DRC8: variants seen among roughly 807,000 people sequenced by gnomAD.
DRC8 encodes the protein dynein regulatory complex protein 8.
the DRC8 span, among the ~76,000 whole-genome samples, chr1:245,052,088 GA>G: frequency 6.6e-6 from 1 of 152,140 alleles, no homozygotes; most frequent in Non-Finnish European, 1.5e-5. Context: ...GAGATGAAGG[GA>G]GGGAGTACTT....
chr1:245,099,956 C>T, the DRC8 span, among the ~76,000 whole-genome samples: 16 of 152,126 alleles, frequency 1.1e-4, no homozygotes, highest in Non-Finnish European at 1.6e-4. Context: ...GAGGTCACCT[C>T]CCTCATAATT....
At chr1:245,004,561 G>A in the DRC8 span, among the ~76,000 whole-genome samples, 1 of 152,000 alleles carries the variant, frequency 6.6e-6, no homozygotes, top group Admixed American at 6.6e-5. Flanking sequence ...GTTTTAAAAG[G>A]ATATTTTGTA....
chr1:245,109,103 G>A, the DRC8 span, among the ~76,000 whole-genome samples: 3 of 152,186 alleles, frequency 2.0e-5, no homozygotes, highest in African/African-American at 2.4e-5. Flanking sequence ...GCTGAATCTT[G>A]CTGGGCAACT....
chr1:245,118,328 G>C, the DRC8 span, among the ~76,000 whole-genome samples: 2 of 152,186 alleles, frequency 1.3e-5, no homozygotes, highest in Non-Finnish European at 2.9e-5. Flanking sequence ...GGACAGGTGC[G>C]CTGGGCTTGG....
the DRC8 span, among the ~76,000 whole-genome samples, chr1:244,989,503 G>A: frequency 1.3e-5 from 2 of 152,138 alleles, no homozygotes; most frequent in Non-Finnish European, 2.9e-5. Flanking sequence ...GATTTTAGGA[G>A]GGAGACCACA....
chr1:245,118,793 A>AG, the DRC8 span, among the ~76,000 whole-genome samples: 1 of 140,108 alleles, frequency 7.1e-6, no homozygotes, highest in Admixed American at 7.6e-5. Flanking sequence ...ACGCCATCTC[A>AG]AAAAAAGAAA....
chr1:244,987,201 C>G, the DRC8 span, among the ~76,000 whole-genome samples: 48 of 150,994 alleles, frequency 3.2e-4, no homozygotes, highest in African/African-American at 1.2e-3. Flanking sequence ...TACAGTATTT[C>G]TTTCTTTTTT....
chr1:245,119,479 A>T, the DRC8 span, among the ~76,000 whole-genome samples: 1 of 151,626 alleles, frequency 6.6e-6, no homozygotes. Context: ...TCTCGGCAAC[A>T]AAGCGAGGCC....
the DRC8 span, chr1:245,107,101 A>G: frequency 6.6e-6 from 1 of 152,352 alleles, no homozygotes; most frequent in African/African-American, 2.4e-5. Flanking sequence ...GGGAACTAGA[A>G]CTATTTCCAA....
the DRC8 span, among the ~76,000 whole-genome samples, chr1:245,080,013 G>A: frequency 6.6e-6 from 1 of 152,092 alleles, no homozygotes; most frequent in Non-Finnish European, 1.5e-5. Flanking sequence ...CATTGAATGC[G>A]CTGAATTTTC....
chr1:245,020,931 T>C, the DRC8 span, among the ~76,000 whole-genome samples: 18 of 151,822 alleles, frequency 1.2e-4, no homozygotes, highest in Admixed American at 6.6e-5. Context: ...CACCCAGCCT[T>C]ATACTGGAGT....
At chr1:245,010,517 G>A in the DRC8 span, among the ~76,000 whole-genome samples, 3 of 152,190 alleles carry the variant, frequency 2.0e-5, no homozygotes, top group East Asian at 1.9e-4. Flanking sequence ...GCCTGCCATC[G>A]GAGCCTGTCG....
At chr1:245,109,084 G>GT in the DRC8 span, among the ~76,000 whole-genome samples, 1 of 152,288 alleles carries the variant, frequency 6.6e-6, no homozygotes, top group East Asian at 1.9e-4. Context: ...ACCTCTGCAC[G>GT]TAACTGGAGC....
At chr1:245,075,409 G>A in the DRC8 span, among the ~76,000 whole-genome samples, 3 of 152,244 alleles carry the variant, frequency 2.0e-5, no homozygotes, top group Admixed American at 6.5e-5. Context: ...TTATTAAAAA[G>A]TCCCACAGTA....
At chr1:245,111,272 C>T in the DRC8 span, among the ~76,000 whole-genome samples, 1 of 152,186 alleles carries the variant, frequency 6.6e-6, no homozygotes, top group African/African-American at 2.4e-5. Context: ...CCACCAAATG[C>T]ATGTGGGTGG....
the DRC8 span, among the ~76,000 whole-genome samples, chr1:245,092,692 G>A: frequency 2.6e-5 from 4 of 152,176 alleles, no homozygotes; most frequent in African/African-American, 4.8e-5. Context: ...CCTTATGCAC[G>A]CTTGTGTGTA....
chr1:245,083,838 T>C, the DRC8 span: 3 of 1,170,398 alleles, frequency 2.6e-6, no homozygotes, highest in South Asian at 1.7e-5. Context: ...GGGGATGGTT[T>C]CTGTTCTGTG....
the DRC8 span, among the ~76,000 whole-genome samples, chr1:245,072,435 G>A: frequency 4.6e-5 from 7 of 152,100 alleles, no homozygotes; most frequent in East Asian, 1.9e-4. Flanking sequence ...ATGAGGTTTC[G>A]CCATGTTGCC....
At chr1:245,101,549 G>A in the DRC8 span, among the ~76,000 whole-genome samples, 2 of 152,130 alleles carry the variant, frequency 1.3e-5, no homozygotes, top group Non-Finnish European at 1.5e-5. Context: ...GCAAAATGGT[G>A]ATAATCTAAT....
Sources: gnomAD v4.1 joint callset for allele counts (sites outside exome capture counted in the v4.1 genomes callset) on GRCh38, gnomAD v4.1.1 for gene constraint, MANE v1.5 for transcripts, NCBI Gene and HGNC (gene_info 2026-07-23, HGNC 2026-07-21) for gene names.